EGFR: variants seen among roughly 807,000 people sequenced by gnomAD.
The protein encoded by EGFR is avian erythroblastic leukemia viral (v-erb-b) oncogene homolog.
A neutral mutation model predicts 143.0 loss-of-function variants in EGFR; 58 were observed. The ratio of observed to expected loss-of-function variants is 0.41; its 90% CI spans 0.33 to 0.50. EGFR has a LOEUF of 0.50. EGFR is among the 20% of genes least tolerant of loss of function. EGFR has a pLI of 0.39. For synonymous variants in EGFR, 613 were observed against 594.4 expected (o/e 1.03, Z -0.45); for missense variants, 1,307 against 1,579.0 (o/e 0.83, Z 2.92).
chr7:55,198,946 C>T (rs2128969091), intron 23 of EGFR, 83 bp downstream of exon 23: 1 of 1,564,370 alleles, frequency 6.4e-7, no homozygotes, highest in Non-Finnish European at 8.7e-7. Flanking sequence ...CCTTTGCATC[C>T]CTGGAGAAAT....
At chr7:55,092,205 G>GT (rs1241008301) in intron 1 of EGFR, among the ~76,000 whole-genome samples, 1 of 152,166 alleles carries the variant, frequency 6.6e-6, no homozygotes, top group Non-Finnish European at 1.5e-5. Flanking sequence ...ATATTGGCAA[G>GT]TGAAATTTTG....
chr7:55,153,943 C>T (rs1384153152), intron 6 of EGFR, 68 bp from the exon 7 acceptor site: 49 of 1,608,380 alleles, frequency 3.0e-5, no homozygotes, highest in Non-Finnish European at 4.2e-5. Context: ...CACCGTGCTG[C>T]GCTTCCTCCG....
At chr7:55,197,945 T>C (rs1311058283) in intron 22 of EGFR, among the ~76,000 whole-genome samples, 1 of 152,258 alleles carries the variant, frequency 6.6e-6, no homozygotes, top group Non-Finnish European at 1.5e-5. Flanking sequence ...ATCAGAGATA[T>C]TGGCCTGAAG....
At chr7:55,152,962 G>A (rs1040181291) in intron 6 of EGFR, among the ~76,000 whole-genome samples, 5 of 152,230 alleles carry the variant, frequency 3.3e-5, no homozygotes, top group African/African-American at 9.6e-5. Context: ...TCCGTCATTA[G>A]GACCTGGGCA....
At chr7:55,040,093 A>G (rs1787816526) in intron 1 of EGFR, among the ~76,000 whole-genome samples, 1 of 152,186 alleles carries the variant, frequency 6.6e-6, no homozygotes, top group Admixed American at 6.5e-5. Flanking sequence ...TTAGGATCAG[A>G]CAGTTGAGTC....
chr7:55,177,147 G>A (rs1786634424), intron 19 of EGFR, among the ~76,000 whole-genome samples: 1 of 152,004 alleles, frequency 6.6e-6, no homozygotes, highest in South Asian at 2.1e-4. Context: ...AGGGCGACAA[G>A]CCTGGAGTGT....
intron 20 of EGFR, among the ~76,000 whole-genome samples, chr7:55,184,914 T>C (rs926153815): frequency 6.6e-6 from 1 of 152,246 alleles, no homozygotes; most frequent in African/African-American, 2.4e-5. Flanking sequence ...TTTTTAAACG[T>C]TTGAAGTAAA....
chr7:55,027,990 AAATATATAT>A (rs1197472244), intron 1 of EGFR, among the ~76,000 whole-genome samples: 406 of 64,856 alleles, frequency 6.3e-3, no homozygotes, highest in Non-Finnish European at 9.8e-3. Flanking sequence ...AAAAAAAAAA[AAATATATAT>A]ATATATATAT....
rs1011610953 is a variant in EGFR at position 55,019,467 on chromosome 7, C to T, written c.88+102C>T. On this transcript the variant is annotated intron_variant, in intron 1 of 27. Transcript: ENST00000275493. ...CGGCGCACCGGCTCGGCGCCCGCGCCCCCGCCCGTCCTTTCCTGTTTCCTT... is the reference window on the plus strand; with the variant it reads ...CGGCGCACCGGCTCGGCGCCCGCGCTCCCGCCCGTCCTTTCCTGTTTCCTT... 143 of 581,412 alleles carry T rather than the reference C, an allele frequency of 2.5e-4. No individual in the cohort carries two copies. In the African/African-American group the frequency reaches 2.8e-3, roughly 11 times the overall value. 36.0% of individuals were successfully genotyped at this position (581,412 alleles called of 1,614,324 possible).
chr7:55,153,949 C>G lies in EGFR; in HGVS notation c.748-62C>G. ...GGGAGTCAACACCGTGCTGCGCTTC[C>G]TCCGTGTGTGGCGCTGAGTGTACTT... On this transcript the variant is annotated intron_variant, in intron 6 of 27. Transcript: ENST00000275493. The G allele has an allele frequency of 3.1e-6, 5 of 1,612,536 alleles. No homozygotes were observed. The South Asian group carries it at 4.4e-5, about 14-fold the overall frequency.
intron 13 of EGFR, 44 bp from the exon 14 acceptor site, chr7:55,163,689 A>G (rs1562773786): frequency 7.8e-6 from 12 of 1,544,346 alleles, no homozygotes; most frequent in Non-Finnish European, 9.9e-6. Flanking sequence ...TCCTGCAATA[A>G]TGTCTCAGGG....
intron 15 of EGFR, among the ~76,000 whole-genome samples, chr7:55,167,081 GTGA>G (rs570370433): frequency 5.9e-5 from 8 of 136,646 alleles, no homozygotes; most frequent in African/African-American, 1.5e-4. Flanking sequence ...GTTGATGGTG[GTGA>G]TGATGATGAG....
intron 1 of EGFR, among the ~76,000 whole-genome samples, chr7:55,075,123 G>A (rs1219159587): frequency 6.6e-6 from 1 of 152,042 alleles, no homozygotes; most frequent in African/African-American, 2.4e-5. Flanking sequence ...GCCAGGGCCA[G>A]GGCAGGGGCC....
chr7:55,035,700 A>G (rs1197226637), intron 1 of EGFR, among the ~76,000 whole-genome samples: 13 of 151,916 alleles, frequency 8.6e-5, no homozygotes, highest in Non-Finnish European at 1.5e-4. Flanking sequence ...AAAAAAAAAA[A>G]AAGGATAAAG....
Position 55,019,075 on chromosome 7 carries a change from T to G in EGFR, c.-203T>G. On this transcript the variant is annotated 5_prime_UTR_variant, in exon 1 of 28. Transcript: ENST00000275493. ...GCAGCAGCCTCCGCCCCCCGCACGG[T>G]GTGAGCGCCCGACGCGGCCGAGGCG... 3.4e-6 allele frequency: 1 copy of G among 290,190 alleles called. No homozygotes were observed. The highest frequency in any genetic ancestry group is 6.2e-6 in the Non-Finnish European group (1 of 161,220). 18.0% of individuals were successfully genotyped at this position (290,190 alleles called of 1,614,324 possible). A position where few individuals can be genotyped will look rare whatever the true frequency, so the allele number is the denominator to read the frequency against.
intron 3 of EGFR, among the ~76,000 whole-genome samples, chr7:55,145,023 TGC>T (rs1794685073): frequency 6.6e-6 from 1 of 152,228 alleles, no homozygotes; most frequent in South Asian, 2.1e-4. Flanking sequence ...ATTGTATAGA[TGC>T]AGATTAGTTA....
chr7:55,094,857 C>G lies in EGFR; in HGVS notation c.89-47429C>G, dbSNP rs560198018. Among the ~76,000 whole-genome samples the G allele has an allele frequency of 7.4e-4, 113 of 152,246 alleles. 1 individual carries two copies. Among genetic ancestry groups the G allele is most frequent in the African/African-American group, 2.4e-3 (98 of 41,554 alleles). On this transcript the variant is annotated intron_variant, in intron 1 of 27. Transcript: ENST00000275493. ...AGGTAAAACAAATATTTCTTAAAAC[C>G]TAGAAAGACCCAAAACAATTTAACA...
At chr7:55,204,149 C>G (rs1018329784) in intron 27 of EGFR, among the ~76,000 whole-genome samples, 3 of 151,286 alleles carry the variant, frequency 2.0e-5, no homozygotes, top group African/African-American at 4.9e-5. Context: ...CAACTACACA[C>G]ACCAACTACA....
rs140117937 is a variant in EGFR at position 55,202,579 on chromosome 7, C to A, written c.3225C>A (p.Gly1075=). ...AGCGATACAGCTCAGACCCCACAGG[C>A]GCCTTGACTGAGGACAGCATAGACG... is the stretch of plus-strand genomic sequence containing the variant. ...FLQRYSSDPT[G]ALTEDSIDDT... Residue 1075 remains glycine, a synonymous_variant, in exon 27 of 28, where the codon GGC becomes GGA. Transcript: ENST00000275493. The A allele has an allele frequency of 2.0e-5, 32 of 1,613,412 alleles. No homozygotes were observed. Among genetic ancestry groups the A allele is most frequent in the Non-Finnish European group, 2.5e-5 (30 of 1,179,684 alleles).
Sources: allele counts gnomAD v4.1 joint callset (sites outside exome capture counted in the v4.1 genomes callset), GRCh38; gene constraint gnomAD v4.1.1; transcripts MANE v1.5; gene names NCBI Gene and HGNC (gene_info 2026-07-23, HGNC 2026-07-21).